LONP1: variants seen among roughly 807,000 people sequenced by gnomAD.
The protein encoded by LONP1 is lon peptidase 1, mitochondrial.
LONP1 carries 31 observed loss-of-function variants against 98.5 expected under a neutral mutation model. The ratio of observed to expected loss-of-function variants is 0.31; its 90% CI spans 0.24 to 0.42. The LOEUF is 0.42. Among genes scored for constraint, LONP1 ranks in the 20% least tolerant of loss-of-function variants. The pLI, the probability that LONP1 is intolerant of heterozygous loss-of-function variation, is 1.00. For missense variants in LONP1, 1,336 were observed against 1,350.6 expected (o/e 0.99, Z 0.17); for synonymous variants, 781 against 594.7 (o/e 1.31, Z -4.56).
intron 7 of LONP1, 63 bp downstream of exon 7, chr19:5,706,997 C>G: frequency 2.2e-6 from 3 of 1,384,584 alleles, no homozygotes; most frequent in Non-Finnish European, 1.0e-6. Flanking sequence ...CAGAGCCTGA[C>G]TGATGTCACG....
chr19:5,705,175 A>C (rs1034613097), intron 8 of LONP1, among the ~76,000 whole-genome samples: 2 of 146,814 alleles, frequency 1.4e-5, no homozygotes, highest in Non-Finnish European at 3.0e-5. Flanking sequence ...AAAAAAAAAA[A>C]GCCAGGCATG....
chr19:5,701,859 C>T (rs1281207781), intron 8 of LONP1, among the ~76,000 whole-genome samples: 8 of 151,518 alleles, frequency 5.3e-5, no homozygotes, highest in South Asian at 2.1e-4. Context: ...CGTCTCTGCC[C>T]GGCCGCCCAT....
At chr19:5,705,548 G>A (rs971005483) in intron 8 of LONP1, among the ~76,000 whole-genome samples, 4 of 151,972 alleles carry the variant, frequency 2.6e-5, no homozygotes, top group Admixed American at 6.6e-5. Context: ...CACAGGCCCT[G>A]GCCACCAGCT....
intron 1 of LONP1, among the ~76,000 whole-genome samples, chr19:5,715,244 G>C (rs898758784): frequency 6.6e-6 from 1 of 151,702 alleles, no homozygotes; most frequent in Non-Finnish European, 1.5e-5. Context: ...AACTGTCTTG[G>C]TTTGAAAATC....
In LONP1 at chr19:5,694,397, C is replaced by G; in HGVS notation, c.2310G>C (p.Trp770Cys). ...TPPGVVMGLA[W>C]TAMGGSTLFV... ...CGCCACCACGCTCACCCATTGCGGT[C>G]CAGGCCAGCCCCATGACCACGCCGG... The change falls in exon 15 of 18, where the codon TGG (tryptophan) becomes TGC (cysteine). Residue 770 changes from tryptophan (W) to cysteine (C), a missense_variant. Physicochemically the swap from Trp to Cys is radical, Grantham distance 215. Transcript: ENST00000360614. The G allele has an allele frequency of 6.2e-7, 1 of 1,613,290 alleles. No individual in the cohort carries two copies. Among genetic ancestry groups the G allele is most frequent in the Non-Finnish European group, 8.5e-7 (1 of 1,179,816 alleles).
At chr19:5,697,632 T>G (rs926643214) in intron 10 of LONP1, among the ~76,000 whole-genome samples, 12 of 149,164 alleles carry the variant, frequency 8.0e-5, no homozygotes, top group East Asian at 2.0e-4. Flanking sequence ...CGGGGTCCTG[T>G]GGGCTGCAGT....
At position 5,699,166 on chromosome 19, in the gene LONP1, C is replaced by T; in HGVS notation, c.1546G>A (p.Gly516Ser). Reference sequence around the variant, plus strand: ...GGGCCATAGAAGCAGAGGATCTTGCCCTGGGTGGAGCCGCGGAGCTGGCTA... The same window carrying T: ...GGGCCATAGAAGCAGAGGATCTTGCTCTGGGTGGAGCCGCGGAGCTGGCTA... ...AVSQLRGSTQ[G>S]KILCFYGPPG... The change falls in exon 10 of 18, where the codon GGC becomes AGC. Residue 516 changes from glycine (G) to serine (S), a missense_variant. Gly to Ser is a moderately conservative substitution (Grantham distance 56, BLOSUM62 0). Coordinates refer to ENST00000360614, the MANE Select transcript of LONP1 (RefSeq NM_004793.4). 6.5e-7 allele frequency: 1 copy of T among 1,533,900 alleles called. No homozygotes were observed. The highest frequency in any genetic ancestry group is 8.8e-7 in the Non-Finnish European group (1 of 1,132,646).
intron 13 of LONP1, 101 bp from the exon 14 acceptor site, chr19:5,695,002 G>A (rs2054900960): frequency 7.3e-7 from 1 of 1,372,934 alleles, no homozygotes; most frequent in Non-Finnish European, 9.8e-7. Context: ...CCAGACCCTG[G>A]CCTGGGAACG....
chr19:5,714,348 G>A (rs1180087385), intron 1 of LONP1, 77 bp from the exon 2 acceptor site: 1 of 1,020,480 alleles, frequency 9.8e-7, no homozygotes, highest in South Asian at 1.3e-5. Flanking sequence ...TGTTGCCCTG[G>A]CTGGAATGTA....
chr19:5,714,225 A>T lies in LONP1; in HGVS notation c.476T>A (p.Leu159His). ...AAAGACGCCGACATAAGGCTGGGCG[A>T]GACGAACTTTCCTTCTCAGCAGCTC... Reference protein sequence around the residue: ...LVELLRRKVRLAQPYVGVFLK... With the variant: ...LVELLRRKVRHAQPYVGVFLK... The change falls in exon 2 of 18, where the codon CTC (leucine) becomes CAC (histidine). Residue 159 changes from leucine to histidine, a missense_variant. This residue lies in a region of LONP1 where 457 missense variants were observed against 403.1 expected (regional missense o/e 1.13). Transcript: ENST00000360614. 1 of 1,614,116 alleles carries T rather than the reference A, an allele frequency of 6.2e-7. No homozygotes were observed. The highest frequency in any genetic ancestry group is 8.5e-7 in the Non-Finnish European group (1 of 1,179,980).
At position 5,702,114 on chromosome 19, in the gene LONP1, G is replaced by A. The variant is rs1304181961; in HGVS notation, c.1368-1187C>T. On this transcript the variant is annotated intron_variant, in intron 8 of 17. Transcript: ENST00000360614. ...CCCCACCCGGCCAGCCGCCCCGTCC[G>A]GGAGGTGAGGGGCGCCTCTGCCCGG... Among the ~76,000 whole-genome samples, 9 of 150,848 alleles carry A rather than the reference G, an allele frequency of 6.0e-5. No individual in the cohort carries two copies. In the East Asian group the frequency reaches 9.8e-4, roughly 16 times the overall value.
At chr19:5,700,385 T>C (rs553845904) in intron 9 of LONP1, among the ~76,000 whole-genome samples, 7 of 152,286 alleles carry the variant, frequency 4.6e-5, no homozygotes, top group African/African-American at 1.7e-4. Context: ...AGTGCTGGGA[T>C]TACAGGCATG....
In LONP1 at chr19:5,713,137, C is replaced by G. The variant is rs377610939; in HGVS notation, c.635G>C (p.Arg212Thr). 7 of 1,613,182 alleles carry G rather than the reference C, an allele frequency of 4.3e-6. No individual in the cohort carries two copies. The highest frequency in any genetic ancestry group is 5.9e-6 in the Non-Finnish European group (7 of 1,179,414). ...DKLRMIVMGH[R>T]RVHISRQLEV... Reference sequence around the variant, plus strand: ...CTGTCCCCCGCCAGCCACCCACCTTCTGTGTCCCATGACGATCATGCGCAG... The same window carrying G: ...CTGTCCCCCGCCAGCCACCCACCTTGTGTGTCCCATGACGATCATGCGCAG... The change falls in exon 3 of 18, where the codon AGA (arginine) becomes ACA (threonine). Residue 212 changes from arginine (R) to threonine (T), a missense_variant. Around this residue, in one of 5 missense-constraint regions of LONP1, gnomAD observed 457 missense variants for 403.1 expected, o/e 1.13. Coordinates refer to ENST00000360614, the MANE Select transcript of LONP1 (RefSeq NM_004793.4).
chr19:5,697,368 G>C (rs752890815), intron 10 of LONP1, among the ~76,000 whole-genome samples: 1 of 151,816 alleles, frequency 6.6e-6, no homozygotes, highest in African/African-American at 2.4e-5. Flanking sequence ...AGCAACGCAC[G>C]TGAGGAGAGA....
Position 5,711,888 on chromosome 19 carries a change from G to A in LONP1, c.753C>T (p.Ser251=), listed in dbSNP as rs762359188. 41 of 1,612,812 alleles carry A rather than the reference G, an allele frequency of 2.5e-5. No homozygotes were observed. Among genetic ancestry groups the A allele is most frequent in the Middle Eastern group, 3.3e-4 (2 of 6,084 alleles). The change falls in exon 4 of 18, where the codon AGC becomes AGT. Residue 251 remains serine, a synonymous_variant. Coordinates refer to ENST00000360614, the MANE Select transcript of LONP1 (RefSeq NM_004793.4). ...TCGCCAGCTCCGCCGGGTGCCTGGCGCTCAGCTCGTCCTCCGCCTCCTTCT... is the reference window on the plus strand; with the variant it reads ...TCGCCAGCTCCGCCGGGTGCCTGGCACTCAGCTCGTCCTCCGCCTCCTTCT... ...RGKKEAEDEL[S]ARHPAELAME... is the part of the protein sequence containing the mutation.
chr19:5,696,721 G>C lies in LONP1; in HGVS notation c.1722C>G (p.Ile574Met). The C allele has an allele frequency of 6.2e-7, 1 of 1,613,616 alleles. No individual in the cohort carries two copies. The highest frequency in any genetic ancestry group is 1.1e-5 in the South Asian group (1 of 91,084). Residue 574 changes from isoleucine to methionine, a missense_variant, in exon 11 of 18, where the codon ATC becomes ATG. Ile to Met is a conservative substitution (Grantham distance 10). Transcript: ENST00000360614. ...CCGTCTTGGTCTTCTTCAAACACTGGATGATCTTCCCGGGCATGGCGCCCA... is the reference window on the plus strand; with the variant it reads ...CCGTCTTGGTCTTCTTCAAACACTGCATGATCTTCCCGGGCATGGCGCCCA... Reference protein sequence around the residue: ...TYVGAMPGKIIQCLKKTKTEN... With the variant: ...TYVGAMPGKIMQCLKKTKTEN...
At chr19:5,695,936 C>CGGT (rs3833246) in intron 13 of LONP1, 118 bp downstream of exon 13, 3 of 797,328 alleles carry the variant, frequency 3.8e-6, no homozygotes, top group African/African-American at 2.5e-5. Flanking sequence ...GCTCCTCGGC[C>CGGT]GCAGGTCCCA....
In LONP1 at chr19:5,719,887, G is replaced by C. The variant is rs2055404905; in HGVS notation, c.246C>G (p.Gly82=). Residue 82 remains glycine (G), a synonymous_variant, in exon 1 of 18, where the codon GGC becomes GGG. Transcript: ENST00000360614. ...SSRGGGAFSG[G]EDASEGGAEE... ...CCGCGCCGCCCTCGGAGGCGTCCTCGCCCCCCGAGAATGCGCCTCCGCCGC... is the reference window on the plus strand; with the variant it reads ...CCGCGCCGCCCTCGGAGGCGTCCTCCCCCCCCGAGAATGCGCCTCCGCCGC... 7 of 1,566,826 alleles carry C rather than the reference G, an allele frequency of 4.5e-6. No homozygotes were observed. The highest frequency in any genetic ancestry group is 6.0e-6 in the Non-Finnish European group (7 of 1,157,550).
Position 5,713,184 on chromosome 19 carries a change from C to A in LONP1, c.588G>T (p.Glu196Asp). ...YHTGTFAQIHEMQDLGDKLRM... is the reference protein window; with the variant it reads ...YHTGTFAQIHDMQDLGDKLRM... ...GCAGCTTGTCCCCAAGGTCCTGCATCTCATGGATCTGGGCAAACGTCCCCG... is the reference window on the plus strand; with the variant it reads ...GCAGCTTGTCCCCAAGGTCCTGCATATCATGGATCTGGGCAAACGTCCCCG... The change falls in exon 3 of 18, where the codon GAG (glutamate) becomes GAT (aspartate). Residue 196 changes from glutamate (E) to aspartate (D), a missense_variant. Around this residue, in one of 5 missense-constraint regions of LONP1, gnomAD observed 457 missense variants for 403.1 expected, o/e 1.13. Coordinates refer to ENST00000360614, the MANE Select transcript of LONP1 (RefSeq NM_004793.4). 1.2e-6 allele frequency: 2 copies of A among 1,614,162 alleles called. No homozygotes were observed. The highest frequency in any genetic ancestry group is 1.7e-6 in the Non-Finnish European group (2 of 1,179,994).
Sources: allele counts gnomAD v4.1 joint callset (sites outside exome capture counted in the v4.1 genomes callset), GRCh38; gene constraint gnomAD v4.1.1; regional missense constraint gnomAD v4.1.1; transcripts MANE v1.5; gene names NCBI Gene and HGNC (gene_info 2026-07-23, HGNC 2026-07-21).